The following PPP4R2 variants were observed in gnomAD, a reference collection of about 807,000 sequenced individuals.
The protein encoded by PPP4R2 is serine/threonine-protein phosphatase 4 regulatory subunit 2.
Under a neutral mutation model 47.2 loss-of-function variants are expected in PPP4R2, and 13 were observed. That is an observed-to-expected ratio of 0.28 (90% CI 0.18 to 0.44). The LOEUF is 0.44. Among genes scored for constraint, PPP4R2 ranks in the 20% least tolerant of loss-of-function variants. The pLI is 1.00. For synonymous variants in PPP4R2, 151 were observed against 163.3 expected, an observed-to-expected ratio of 0.92 and a Z score of 0.57; for missense variants, 421 against 491.2, an observed-to-expected ratio of 0.86 and a Z score of 1.35.
intron 2 of PPP4R2, among the ~76,000 whole-genome samples, chr3:73,042,361 C>CT (rs10709279): frequency 0.022 from 1,635 of 75,888 alleles, 79 homozygotes; most frequent in African/African-American, 0.068. Flanking sequence ...AATATAATTT[C>CT]TTTTTTTTTT....
At chr3:73,013,719 G>A (rs1005238271) in intron 2 of PPP4R2, among the ~76,000 whole-genome samples, 2 of 151,684 alleles carry the variant, frequency 1.3e-5, no homozygotes, top group African/African-American at 4.8e-5. Context: ...GCTCACTGCA[G>A]CCTCCACCTC....
Position 73,036,847 on chromosome 3 carries a change from CA to C in PPP4R2, c.117-10335del, listed in dbSNP as rs962755413. ...AAAATTACACAAAATAAACGAATACCAAAATATTAGCTAACATAGCAGACAT... is the reference window on the plus strand; with the variant it reads ...AAAATTACACAAAATAAACGAATACCAAATATTAGCTAACATAGCAGACAT... On this transcript the variant is annotated intron_variant, in intron 2 of 8. Transcript: ENST00000356692. Among the ~76,000 whole-genome samples the C allele has an allele frequency of 3.4e-5, 5 of 147,114 alleles. No individual in the cohort carries two copies. The Admixed American group carries it at 3.4e-4, about 10-fold the overall frequency.
intron 5 of PPP4R2, chr3:73,062,205 C>T (rs776008317): frequency 1.1e-5 from 17 of 1,582,456 alleles, no homozygotes; most frequent in South Asian, 4.7e-5. Context: ...AGAATTAAGT[C>T]GGAACCAATT....
rs1412149650 is a variant in PPP4R2, at chr3:73,006,650, G to A, written c.116+8492G>A. On this transcript the variant is annotated intron_variant, in intron 2 of 8. Transcript: ENST00000356692. ...CTTGACTCTTTCTCCTCATTGTGGG[G>A]CTTACCTCTAGATTGGAGCACTGTT... Among the ~76,000 whole-genome samples the A allele has an allele frequency of 2.0e-5, 3 of 152,180 alleles. No individual in the cohort carries two copies. The East Asian group carries it at 5.8e-4, about 29-fold the overall frequency.
chr3:73,049,314 C>A (rs1233984446), intron 3 of PPP4R2, among the ~76,000 whole-genome samples: 2 of 151,890 alleles, frequency 1.3e-5, no homozygotes, highest in African/African-American at 4.8e-5. Flanking sequence ...CTGGCTAACA[C>A]GGTGAAACCC....
intron 2 of PPP4R2, among the ~76,000 whole-genome samples, chr3:73,024,039 A>C (rs557956063): frequency 6.6e-6 from 1 of 152,200 alleles, no homozygotes; most frequent in Admixed American, 6.5e-5. Context: ...TTAAAAGGTA[A>C]AAAGCTTATA....
intron 2 of PPP4R2, among the ~76,000 whole-genome samples, chr3:73,034,750 C>G (rs1210219645): frequency 6.6e-6 from 1 of 151,924 alleles, no homozygotes; most frequent in East Asian, 1.9e-4. Context: ...CCAGGCTGGA[C>G]TCAAACTCCT....
At chr3:73,040,499 A>ATTTTTTTT (rs11342756) in intron 2 of PPP4R2, among the ~76,000 whole-genome samples, 1,953 of 117,184 alleles carry the variant, frequency 0.017, 23 homozygotes, top group East Asian at 0.041. Context: ...ATGTGACCTA[A>ATTTTTTTT]TTTTTTTTTT....
intron 2 of PPP4R2, among the ~76,000 whole-genome samples, chr3:73,016,729 G>GTTTT (rs752008242): frequency 1.4e-5 from 1 of 69,830 alleles, no homozygotes; most frequent in Non-Finnish European, 2.9e-5. Context: ...TTGGTTCATT[G>GTTTT]TTTATTTTTA....
At chr3:73,053,641 G>A (rs1269240777) in intron 3 of PPP4R2, among the ~76,000 whole-genome samples, 1 of 152,050 alleles carries the variant, frequency 6.6e-6, no homozygotes, top group Non-Finnish European at 1.5e-5. Flanking sequence ...TGGGCGTGGT[G>A]GCTCACACCT....
chr3:73,004,783 A>T (rs926003686), intron 2 of PPP4R2, among the ~76,000 whole-genome samples: 1 of 152,042 alleles, frequency 6.6e-6, no homozygotes, highest in Non-Finnish European at 1.5e-5. Flanking sequence ...TTTACCTTAT[A>T]AACTGCCCAA....
intron 2 of PPP4R2, among the ~76,000 whole-genome samples, chr3:73,045,172 A>T (rs1702456568): frequency 6.6e-6 from 1 of 152,032 alleles, no homozygotes; most frequent in African/African-American, 2.4e-5. Flanking sequence ...ATTAATTAGT[A>T]ATTAATTATT....
chr3:73,019,336 C>T (rs1701913166), intron 2 of PPP4R2, among the ~76,000 whole-genome samples: 1 of 152,156 alleles, frequency 6.6e-6, no homozygotes, highest in African/African-American at 2.4e-5. Context: ...AGATGAAAAA[C>T]AGAACACTGT....
chr3:73,050,982 T>G (rs1702600590), intron 3 of PPP4R2, among the ~76,000 whole-genome samples: 1 of 152,202 alleles, frequency 6.6e-6, no homozygotes, highest in African/African-American at 2.4e-5. Context: ...TGGAACGATC[T>G]CGGCTCACCA....
At chr3:73,028,220 A>G (rs973648826) in intron 2 of PPP4R2, among the ~76,000 whole-genome samples, 6 of 147,446 alleles carry the variant, frequency 4.1e-5, no homozygotes, top group Admixed American at 3.4e-4. Flanking sequence ...TCACACCACC[A>G]TATTCCAGCC....
chr3:73,018,465 A>ATTTAT (rs1295553516), intron 2 of PPP4R2, among the ~76,000 whole-genome samples: 2 of 88,850 alleles, frequency 2.3e-5, no homozygotes, highest in Admixed American at 1.1e-4. Context: ...ATGTTATGTT[A>ATTTAT]GTATCCGAAA....
chr3:73,046,935 G>T (rs1209945662), intron 2 of PPP4R2, among the ~76,000 whole-genome samples: 1 of 152,180 alleles, frequency 6.6e-6, no homozygotes, highest in Non-Finnish European at 1.5e-5. Flanking sequence ...CTTTCAGGCA[G>T]AGGTAGTTCA....
chr3:73,067,975 G>T lies in PPP4R2; in HGVS notation c.*2253G>T, dbSNP rs1703035257. On this transcript the variant is annotated 3_prime_UTR_variant, in exon 9 of 9. Coordinates refer to ENST00000356692, the MANE Select transcript of PPP4R2 (RefSeq NM_174907.4). ...TTGATCATAGATCAAACTTGTTGCT[G>T]TTTATACAGATAATTGTAGAATGCT... The T allele has an allele frequency of 6.6e-6, 1 of 152,104 alleles. No individual in the cohort carries two copies. The highest frequency in any genetic ancestry group is 2.4e-5 in the African/African-American group (1 of 41,422). The allele number at this position is 152,104 out of a possible 1,614,324, so 9.4% of individuals were successfully genotyped here. A position where few individuals can be genotyped will look rare whatever the true frequency, so the allele number is the denominator to read the frequency against.
At chr3:73,052,978 A>G (rs913871028) in intron 3 of PPP4R2, among the ~76,000 whole-genome samples, 2 of 152,250 alleles carry the variant, frequency 1.3e-5, no homozygotes, top group African/African-American at 4.8e-5. Context: ...AAAACAACCC[A>G]CATTTGATTT....
Sources: gnomAD v4.1 joint callset for allele counts (sites outside exome capture counted in the v4.1 genomes callset) on GRCh38, gnomAD v4.1.1 for gene constraint, MANE v1.5 for transcripts, NCBI Gene and HGNC (gene_info 2026-07-23, HGNC 2026-07-21) for gene names.